The following TXNRD3 variants were observed in gnomAD, a reference collection of about 807,000 sequenced individuals.
TXNRD3 encodes the protein TXNRD3 neighbor gene protein.
Under a neutral mutation model 78.2 loss-of-function variants are expected in TXNRD3, and 68 were observed. That is an observed-to-expected ratio of 0.87 (90% CI 0.72 to 1.06). TXNRD3 has a LOEUF of 1.06. Among genes scored for constraint, TXNRD3 ranks in the 50% least tolerant of loss-of-function variants. The pLI is 0.00. For synonymous variants in TXNRD3, 296 were observed against 300.1 expected (o/e 0.99, Z 0.14); for missense variants, 751 against 809.5 (o/e 0.93, Z 0.88).
intron 10 of TXNRD3, among the ~76,000 whole-genome samples, chr3:126,627,140 T>G (rs111570627): frequency 7.9e-5 from 12 of 152,266 alleles, no homozygotes; most frequent in African/African-American, 2.6e-4. Context: ...ACAGCAGTTT[T>G]AATCACAATA....
intron 6 of TXNRD3, among the ~76,000 whole-genome samples, chr3:126,635,607 AG>A: frequency 6.6e-6 from 1 of 152,204 alleles, no homozygotes; most frequent in South Asian, 2.1e-4. Flanking sequence ...ATCTCCAAAA[AG>A]AAAAAAAAAG....
intron 13 of TXNRD3, among the ~76,000 whole-genome samples, chr3:126,611,858 C>T (rs1357395296): frequency 1.3e-5 from 2 of 151,910 alleles, no homozygotes; most frequent in Non-Finnish European, 2.9e-5. Context: ...AAAATACCAC[C>T]CAGAAATAAC....
chr3:126,640,387 G>A lies in TXNRD3; in HGVS notation c.712+1645C>T, dbSNP rs375240852. 0.035 allele frequency among the ~76,000 whole-genome samples: 298 copies of A among 8,458 alleles called. 117 individuals are homozygous for A. In the South Asian group the frequency reaches 0.44, roughly 13 times the overall value. The allele number at this position is 8,458 out of a possible 152,430, so 5.5% of individuals were successfully genotyped here. A position where few individuals can be genotyped will look rare whatever the true frequency, so the allele number is the denominator to read the frequency against. On this transcript the variant is annotated intron_variant, in intron 6 of 15. Coordinates refer to ENST00000524230, the MANE Select transcript of TXNRD3 (RefSeq NM_052883.3). ...CTCCCAAAGTGCTGGGATTACAGGC[G>A]TGAGCCACCGCGCCCGGCCGCTGCT...
intron 13 of TXNRD3, 106 bp from the exon 14 acceptor site, chr3:126,611,238 G>T (rs1576278934): frequency 1.6e-6 from 1 of 643,768 alleles, no homozygotes; most frequent in Non-Finnish European, 2.3e-6. Context: ...GCAGCTTTCG[G>T]AAATTCAAAG....
chr3:126,624,561 C>T (rs955927463), intron 10 of TXNRD3, among the ~76,000 whole-genome samples: 1 of 152,088 alleles, frequency 6.6e-6, no homozygotes, highest in Admixed American at 6.6e-5. Context: ...GCTGGAACTA[C>T]AGGCGCCCGC....
chr3:126,644,189 A>G (rs1933169400), intron 4 of TXNRD3, 108 bp downstream of exon 4: 1 of 1,358,980 alleles, frequency 7.4e-7, no homozygotes, highest in Non-Finnish European at 1.0e-6. Context: ...AGCTATTACA[A>G]CAAAAGCTTA....
Position 126,629,520 on chromosome 3 carries a change from G to A in TXNRD3, c.1198-49C>T, listed in dbSNP as rs576706779. The A allele has an allele frequency of 3.3e-3, 4,558 of 1,393,574 alleles. 10 individuals carry two copies. Among genetic ancestry groups the A allele is most frequent in the Non-Finnish European group, 4.0e-3 (4,067 of 1,022,680 alleles). The allele number at this position is 1,393,574 out of a possible 1,614,324, so 86.3% of individuals were successfully genotyped here. On this transcript the variant is annotated intron_variant, in intron 9 of 15. Coordinates refer to ENST00000524230, the MANE Select transcript of TXNRD3 (RefSeq NM_052883.3). ...GATGTTATCTAAATATGATAAAAAA[G>A]AAATACACGAAAGGGTCTACACCGG...
intron 11 of TXNRD3, 51 bp from the exon 12 acceptor site, chr3:126,621,949 T>G (rs41266457): frequency 0.016 from 22,312 of 1,391,340 alleles, 231 homozygotes; most frequent in Middle Eastern, 0.033. Flanking sequence ...CACTCTACAC[T>G]GCTGGCTGAC....
rs150233187 is a variant in TXNRD3, at chr3:126,634,851, T to C, written c.713-800A>G. ...TCTGGAAAATTACCCCATCTATCAC[T>C]GTCAAGAAATGCCCCCCTACTCATC... On this transcript the variant is annotated intron_variant, in intron 6 of 15. Transcript: ENST00000524230. Among the ~76,000 whole-genome samples the C allele has an allele frequency of 2.2e-3, 334 of 152,282 alleles. 2 individuals carry two copies. Among genetic ancestry groups the C allele is most frequent in the African/African-American group, 7.5e-3 (311 of 41,548 alleles).
intron 14 of TXNRD3, among the ~76,000 whole-genome samples, chr3:126,609,595 C>T (rs376452234): frequency 6.6e-6 from 1 of 152,046 alleles, no homozygotes; most frequent in Non-Finnish European, 1.5e-5. Context: ...TTCGTAAGTT[C>T]GAGGGTTCTG....
Position 126,652,994 on chromosome 3 carries a change from T to A in TXNRD3, c.243+1754A>T, listed in dbSNP as rs56780111. Reference sequence around the variant, plus strand: ...AAATTCTGCTTTGCAAACATTTTTTTATTTCACCCACCACCATTAGAACCC... The same window carrying A: ...AAATTCTGCTTTGCAAACATTTTTTAATTTCACCCACCACCATTAGAACCC... On this transcript the variant is annotated intron_variant, in intron 1 of 15. Transcript: ENST00000524230. Among the ~76,000 whole-genome samples the A allele has an allele frequency of 3.8e-3, 583 of 152,354 alleles. 4 individuals are homozygous for A. Among genetic ancestry groups the A allele is most frequent in the African/African-American group, 0.013 (542 of 41,582 alleles).
chr3:126,638,776 C>T (rs184738920), intron 6 of TXNRD3, among the ~76,000 whole-genome samples: 1 of 152,104 alleles, frequency 6.6e-6, no homozygotes, highest in Admixed American at 6.6e-5. Flanking sequence ...ATAGGGGGAA[C>T]TTTGAGGAAG....
chr3:126,637,932 CTTTTTTTTTTTTTTTTTTTTT>C (rs71615916), intron 6 of TXNRD3, among the ~76,000 whole-genome samples: 1 of 60,190 alleles, frequency 1.7e-5, no homozygotes, highest in Non-Finnish European at 2.8e-5. Context: ...ATTTCTCTCT[CTTTTTTTTTTTTTTTTTTTTT>C]TTTTTTTTTT....
At chr3:126,623,646 T>A (rs984246013) in intron 10 of TXNRD3, among the ~76,000 whole-genome samples, 2 of 152,084 alleles carry the variant, frequency 1.3e-5, no homozygotes, top group Non-Finnish European at 2.9e-5. Context: ...ATTAAAACAC[T>A]CTTTCATAAT....
chr3:126,641,778 G>A (rs186496730), intron 6 of TXNRD3, among the ~76,000 whole-genome samples: 80 of 151,996 alleles, frequency 5.3e-4, no homozygotes, highest in Non-Finnish European at 8.8e-4. Context: ...TGAAAATAGC[G>A]ATTACTTAAT....
chr3:126,642,014 T>C lies in TXNRD3; in HGVS notation c.712+18A>G, dbSNP rs1017080068. On this transcript the variant is annotated intron_variant, in intron 6 of 15. Transcript: ENST00000524230. The stretch of plus-strand genomic sequence containing the variant: ...TTTTTCTTTTCTCTCAATCTATACT[T>C]TATGAACCATTACTCACCTTGTTGA... The C allele has an allele frequency of 5.2e-6, 8 of 1,524,072 alleles. No individual in the cohort carries two copies. The African/African-American group carries it at 1.1e-4, about 21-fold the overall frequency. 94.4% of individuals were successfully genotyped at this position (1,524,072 alleles called of 1,614,324 possible).
Position 126,608,561 on chromosome 3 carries a change from T to G in TXNRD3, c.1801A>C (p.Lys601Gln). 4.6e-6 allele frequency: 7 copies of G among 1,536,018 alleles called. No individual in the cohort carries two copies. The highest frequency in any genetic ancestry group is 6.1e-6 in the Non-Finnish European group (7 of 1,146,860). The change falls in exon 15 of 16, where the codon AAA becomes CAA. Residue 601 changes from lysine to glutamine, a missense_variant. Lys to Gln is a moderately conservative substitution (Grantham distance 53). Coordinates refer to ENST00000524230, the MANE Select transcript of TXNRD3 (RefSeq NM_052883.3). ...AGTAGCTGTTTTGTGAGCCCACATTTCATTGCAGCTGCAAATCCTTGGGTA... is the reference window on the plus strand; with the variant it reads ...AGTAGCTGTTTTGTGAGCCCACATTGCATTGCAGCTGCAAATCCTTGGGTA...
chr3:126,608,806 T>C (rs1938124144), intron 14 of TXNRD3, among the ~76,000 whole-genome samples, 173 bp from the exon 15 acceptor site: 1 of 152,174 alleles, frequency 6.6e-6, no homozygotes, highest in South Asian at 2.1e-4. Context: ...AAGAATCTGT[T>C]AAATGAGCCA....
chr3:126,635,422 A>G (rs1413319859), intron 6 of TXNRD3, among the ~76,000 whole-genome samples: 2 of 152,208 alleles, frequency 1.3e-5, no homozygotes, highest in African/African-American at 4.8e-5. Flanking sequence ...GATATGCCAA[A>G]TCAATGAACT....
Sources: gnomAD v4.1 joint callset for allele counts (sites outside exome capture counted in the v4.1 genomes callset) on GRCh38, gnomAD v4.1.1 for gene constraint, MANE v1.5 for transcripts, NCBI Gene and HGNC (gene_info 2026-07-23, HGNC 2026-07-21) for gene names.